The following MYL3 variants were observed in gnomAD, a reference collection of about 807,000 sequenced individuals.
The protein encoded by MYL3 is CMLC1.
A neutral mutation model predicts 21.3 loss-of-function variants in MYL3; 11 were observed. The observed-to-expected ratio is 0.52, with a 90% confidence interval of 0.32 to 0.85. The LOEUF is 0.85. MYL3 is among the 40% of genes least tolerant of loss of function. MYL3 has a pLI of 0.03. For missense variants in MYL3, 206 were observed against 253.3 expected, an observed-to-expected ratio of 0.81 and a Z score of 1.27; for synonymous variants, 88 against 91.6, an observed-to-expected ratio of 0.96 and a Z score of 0.22.
intron 1 of MYL3, among the ~76,000 whole-genome samples, chr3:46,869,372 T>A (rs982133159): frequency 1.3e-5 from 2 of 152,148 alleles, no homozygotes; most frequent in Non-Finnish European, 2.9e-5. Flanking sequence ...GGGTGTTCCA[T>A]GAGCCGGCCT....
rs76254814 is a variant in MYL3, at chr3:46,872,602, C to A, written c.-217-6002G>T. ...ACCTCTCAGGCCCCTCCTCGCCTGA[C>A]CTTGGGGTCCAGAGAGAGGACATGC... On this transcript the variant is annotated intron_variant, in intron 1 of 3. Coordinates refer to the MYL3 transcript ENST00000431168. Among the ~76,000 whole-genome samples the A allele has an allele frequency of 3.1e-3, 469 of 152,354 alleles. 3 individuals are homozygous for A. Among genetic ancestry groups the A allele is most frequent in the African/African-American group, 0.011 (438 of 41,576 alleles).
chr3:46,863,982 GTCTGTGGGTC>G (rs780384556), upstream of MYL3, among the ~76,000 whole-genome samples: 95 of 152,126 alleles, frequency 6.2e-4, 1 homozygote, highest in African/African-American at 1.3e-3. Context: ...GTGTCTATGT[GTCTGTGGGTC>G]TCTCTGTGTC....
At chr3:46,875,699 C>G (rs2030169987) in intron 1 of MYL3, among the ~76,000 whole-genome samples, 5 of 152,210 alleles carry the variant, frequency 3.3e-5, no homozygotes, top group Admixed American at 3.3e-4. Context: ...GTCTCAGGCT[C>G]CCACCCACCA....
rs933633477 is a variant in MYL3 at position 46,860,103 on chromosome 3, T to G, written c.308-455A>C. On this transcript the variant is annotated intron_variant, in intron 3 of 6. Transcript: ENST00000292327. The surrounding 1 kb of genome is among the most constrained non-coding windows in gnomAD (Gnocchi z 4.6). ...TTTTTTTTTTTTTAGCTTTAAAATT[T>G]TATTCATTTATGTATTTATTCATTC... Among the ~76,000 whole-genome samples the G allele has an allele frequency of 6.6e-6, 1 of 152,084 alleles. No homozygotes were observed. The highest frequency in any genetic ancestry group is 2.4e-5 in the African/African-American group (1 of 41,412).
At position 46,879,978 on chromosome 3, in the gene MYL3, G is replaced by A. The variant is rs1033359638; in HGVS notation, c.-218+2096C>T. Among the ~76,000 whole-genome samples, 29 of 152,118 alleles carry A rather than the reference G, an allele frequency of 1.9e-4. No individual in the cohort carries two copies. The highest frequency in any genetic ancestry group is 6.0e-4 in the African/African-American group (25 of 41,414). On this transcript the variant is annotated intron_variant, in intron 1 of 3. Coordinates refer to the MYL3 transcript ENST00000431168. The surrounding 1 kb of genome is among the most constrained non-coding windows in gnomAD (Gnocchi z 4.7). Reference sequence around the variant, plus strand: ...TGCTTGAACCCGGGAGGTGGAGGTTGCAGTCAGCCGAGATCGCACCACTGC... The same window carrying A: ...TGCTTGAACCCGGGAGGTGGAGGTTACAGTCAGCCGAGATCGCACCACTGC...
intron 1 of MYL3, among the ~76,000 whole-genome samples, chr3:46,869,765 G>A (rs760057680): frequency 6.6e-6 from 1 of 152,210 alleles, no homozygotes; most frequent in Non-Finnish European, 1.5e-5. Context: ...TGGGGAAGGG[G>A]CATGTGGACA....
rs6808052 is a variant in MYL3, at chr3:46,874,561, G to A, written c.-218+7513C>T. ...TCCCTTCAAACCGCAGGGCCCAGCC[G>A]GCCTCTGGAACGCGTGCCCGGGACC... On this transcript the variant is annotated intron_variant, in intron 1 of 3. Transcript: ENST00000431168. The surrounding 1 kb of genome is among the most constrained non-coding windows in gnomAD (Gnocchi z 4.1). Among the ~76,000 whole-genome samples, 6,346 of 152,140 alleles carry A rather than the reference G, an allele frequency of 0.042. 467 individuals are homozygous for A. The highest frequency in any genetic ancestry group is 0.14 in the African/African-American group (5,985 of 41,472).
At chr3:46,871,926 T>C (rs1334062078) in intron 1 of MYL3, among the ~76,000 whole-genome samples, 2 of 152,194 alleles carry the variant, frequency 1.3e-5, no homozygotes, top group Non-Finnish European at 2.9e-5. Context: ...CCAAAGCTGA[T>C]GAGGGTACAG....
chr3:46,860,686 T>C lies in MYL3; in HGVS notation c.297A>G (p.Pro99=). 6.2e-7 allele frequency: 1 copy of C among 1,613,970 alleles called. No homozygotes were observed. The highest frequency in any genetic ancestry group is 1.3e-5 in the African/African-American group (1 of 75,058). Residue 99 remains proline (P), a synonymous_variant, in exon 3 of 7, where the codon CCA becomes CCG. Transcript: ENST00000292327. The surrounding 1 kb of genome is among the most constrained non-coding windows in gnomAD (Gnocchi z 4.6). ...QAEVLRVLGK[P]RQEELNTKMM... ...GGGCAGGTGCACTACCTTCCTGTCT[T>C]GGCTTCCCCAGGACACGGAGCACTT...
At chr3:46,873,897 C>T (rs1204994608) in intron 1 of MYL3, among the ~76,000 whole-genome samples, 3 of 152,228 alleles carry the variant, frequency 2.0e-5, no homozygotes, top group Admixed American at 1.3e-4. Context: ...CTCACTGGGC[C>T]AGACCAGCTG....
Position 46,859,732 on chromosome 3 carries a change from C to T in MYL3, c.308-84G>A. 6.8e-7 allele frequency: 1 copy of T among 1,467,718 alleles called. No homozygotes were observed. The highest frequency in any genetic ancestry group is 9.5e-7 in the Non-Finnish European group (1 of 1,048,764). The allele number at this position is 1,467,718 out of a possible 1,614,324, so 90.9% of individuals were successfully genotyped here. ...CCATGCCTGATAATGAGGAGCTATC[C>T]CCACCTCTCACACAGTTCTACAACA... On this transcript the variant is annotated intron_variant, in intron 3 of 6. Transcript: ENST00000292327. The surrounding 1 kb of genome is among the most constrained non-coding windows in gnomAD (Gnocchi z 4.1).
intron 1 of MYL3, among the ~76,000 whole-genome samples, chr3:46,873,116 T>A (rs72895887): frequency 0.02 from 3,006 of 152,316 alleles, 93 homozygotes; most frequent in African/African-American, 0.067. Context: ...TTTCTAGTCA[T>A]ACCAGGAGGT....
chr3:46,868,478 G>A (rs1487798759), intron 1 of MYL3, among the ~76,000 whole-genome samples: 1 of 152,190 alleles, frequency 6.6e-6, no homozygotes, highest in African/African-American at 2.4e-5. Flanking sequence ...TAGGGGTGGG[G>A]GTGGCAGGGC....
chr3:46,873,401 C>T (rs9819344), intron 1 of MYL3, among the ~76,000 whole-genome samples: 9,750 of 152,248 alleles, frequency 0.064, 1,052 homozygotes, highest in African/African-American at 0.22. Flanking sequence ...CAGGCAGGGG[C>T]CACGGAAGGC....
chr3:46,875,338 G>A (rs2030153386), intron 1 of MYL3, among the ~76,000 whole-genome samples: 1 of 152,184 alleles, frequency 6.6e-6, no homozygotes. Context: ...GAACAGACCA[G>A]AGACTTGCCC....
intron 1 of MYL3, among the ~76,000 whole-genome samples, chr3:46,862,725 C>T (rs890286975): frequency 6.6e-6 from 1 of 152,224 alleles, no homozygotes; most frequent in African/African-American, 2.4e-5. Flanking sequence ...TGTCCCCAGC[C>T]AGCTGATGCT....
chr3:46,881,681 G>A (rs2030576235), intron 1 of MYL3, among the ~76,000 whole-genome samples: 1 of 151,986 alleles, frequency 6.6e-6, no homozygotes, highest in Non-Finnish European at 1.5e-5. Context: ...AGGAACGACA[G>A]GCCTGGGATG....
intron 1 of MYL3, among the ~76,000 whole-genome samples, chr3:46,878,210 G>A (rs1227744223): frequency 6.6e-6 from 1 of 152,220 alleles, no homozygotes. Context: ...GCTGCCATGG[G>A]AGCCTCCAGC....
intron 1 of MYL3, among the ~76,000 whole-genome samples, chr3:46,873,507 A>AAGG (rs2030022500): frequency 6.6e-6 from 1 of 152,018 alleles, no homozygotes; most frequent in Non-Finnish European, 1.5e-5. Context: ...CTCCACCCCC[A>AAGG]AGGAGCCCTG....
Sources: allele counts gnomAD v4.1 joint callset (sites outside exome capture counted in the v4.1 genomes callset), GRCh38; gene constraint gnomAD v4.1.1; non-coding constraint Gnocchi (gnomAD v3.1); transcripts MANE v1.5; gene names NCBI Gene and HGNC (gene_info 2026-07-23, HGNC 2026-07-21).